The following SKIC3 variants were observed in gnomAD, a reference collection of about 807,000 sequenced individuals.
The protein encoded by SKIC3 is superkiller complex protein 3.
the SKIC3 span, among the ~76,000 whole-genome samples, chr5:95,505,540 A>G: frequency 1.4e-3 from 211 of 152,292 alleles, no homozygotes; most frequent in African/African-American, 4.4e-3. Flanking sequence ...AAGGCCGGGC[A>G]CGGTGGCTCA....
the SKIC3 span, among the ~76,000 whole-genome samples, chr5:95,480,693 G>A: frequency 6.6e-6 from 1 of 152,046 alleles, no homozygotes; most frequent in East Asian, 1.9e-4. Flanking sequence ...GACCAAGAAT[G>A]GTCACAGCAG....
At chr5:95,544,312 C>T in the SKIC3 span, among the ~76,000 whole-genome samples, 1 of 152,144 alleles carries the variant, frequency 6.6e-6, no homozygotes, top group Non-Finnish European at 1.5e-5. Flanking sequence ...ACCAGTTTTC[C>T]CCAGTAGCTG....
chr5:95,539,149 CT>C, the SKIC3 span, among the ~76,000 whole-genome samples: 4 of 151,170 alleles, frequency 2.6e-5, no homozygotes, highest in South Asian at 2.1e-4. Flanking sequence ...ACATACAATC[CT>C]TTTTTTTTGA....
the SKIC3 span, among the ~76,000 whole-genome samples, chr5:95,488,296 C>G: frequency 6.6e-6 from 1 of 152,006 alleles, no homozygotes; most frequent in Non-Finnish European, 1.5e-5. Context: ...CCAATTCTAG[C>G]AAGAGATTTA....
At chr5:95,490,500 A>ATT in the SKIC3 span, among the ~76,000 whole-genome samples, 1 of 136,044 alleles carries the variant, frequency 7.4e-6, no homozygotes. Context: ...ATATATATAT[A>ATT]TATATTTTTT....
the SKIC3 span, among the ~76,000 whole-genome samples, chr5:95,496,487 A>G: frequency 6.6e-6 from 1 of 152,172 alleles, no homozygotes; most frequent in Non-Finnish European, 1.5e-5. Flanking sequence ...GAATTACTCC[A>G]GGTCTCAAGA....
the SKIC3 span, chr5:95,484,641 C>T: frequency 1.3e-6 from 2 of 1,592,818 alleles, no homozygotes; most frequent in Non-Finnish European, 1.7e-6. Context: ...GCCACCGCAT[C>T]TAGCCTCATA....
chr5:95,527,443 A>G, the SKIC3 span, among the ~76,000 whole-genome samples: 265 of 152,348 alleles, frequency 1.7e-3, no homozygotes, highest in African/African-American at 6.3e-3. Context: ...CTGATTTAAA[A>G]ACTCAATTTT....
At chr5:95,482,724 C>A in the SKIC3 span, 5 of 1,426,146 alleles carry the variant, frequency 3.5e-6, no homozygotes, top group Non-Finnish European at 4.9e-6. Flanking sequence ...AAATAAAATT[C>A]TGAAGGTTTA....
the SKIC3 span, among the ~76,000 whole-genome samples, chr5:95,545,701 C>G: frequency 6.6e-6 from 1 of 152,152 alleles, no homozygotes; most frequent in African/African-American, 2.4e-5. Context: ...TTCAGCAACC[C>G]CACTACCTTT....
the SKIC3 span, among the ~76,000 whole-genome samples, chr5:95,488,452 A>G: frequency 6.6e-6 from 1 of 152,228 alleles, no homozygotes; most frequent in East Asian, 1.9e-4. Flanking sequence ...CATACTACTT[A>G]TAAATGAACA....
chr5:95,543,090 G>A, the SKIC3 span: 1 of 1,455,176 alleles, frequency 6.9e-7, no homozygotes, highest in Non-Finnish European at 9.4e-7. Context: ...GCAAATGTAG[G>A]TTTAAATGCT....
chr5:95,514,305 A>G, the SKIC3 span, among the ~76,000 whole-genome samples: 2 of 152,174 alleles, frequency 1.3e-5, no homozygotes, highest in East Asian at 3.8e-4. Context: ...AAGGTAAAAA[A>G]AGAAAAAAAA....
the SKIC3 span, chr5:95,541,479 A>C: frequency 2.6e-6 from 3 of 1,134,822 alleles, no homozygotes; most frequent in Non-Finnish European, 4.0e-6. Flanking sequence ...TATTCCAATA[A>C]TAATTTCAGG....
chr5:95,521,920 A>T, the SKIC3 span: 1 of 1,024,358 alleles, frequency 9.8e-7, no homozygotes, highest in Non-Finnish European at 1.4e-6. Flanking sequence ...ATACTGTAAG[A>T]GGTTCATATG....
the SKIC3 span, among the ~76,000 whole-genome samples, chr5:95,549,096 G>A: frequency 6.6e-6 from 1 of 152,012 alleles, no homozygotes; most frequent in South Asian, 2.1e-4. Context: ...ATGAGTGGAA[G>A]TGCAATAGGA....
the SKIC3 span, among the ~76,000 whole-genome samples, chr5:95,536,055 C>G: frequency 6.6e-6 from 1 of 152,132 alleles, no homozygotes; most frequent in African/African-American, 2.4e-5. Context: ...ACCAATACAG[C>G]CAACCTCTTG....
chr5:95,524,864 A>G, the SKIC3 span, among the ~76,000 whole-genome samples: 8 of 152,150 alleles, frequency 5.3e-5, no homozygotes, highest in East Asian at 1.9e-4. Context: ...CTTAGTGAAC[A>G]TTATGATCAG....
chr5:95,469,944 A>G, the SKIC3 span: 1 of 1,603,896 alleles, frequency 6.2e-7, no homozygotes. Context: ...TAACTCAAAG[A>G]TTTGGCATAT....
Sources: allele counts gnomAD v4.1 joint callset (sites outside exome capture counted in the v4.1 genomes callset), GRCh38; gene constraint gnomAD v4.1.1; transcripts MANE v1.5; gene names NCBI Gene and HGNC (gene_info 2026-07-23, HGNC 2026-07-21).